Variants in DCAF10 observed in about 807,000 individuals in gnomAD.
DCAF10 encodes the protein DDB1 and CUL4 associated factor 10, also known as DDB1- and CUL4-associated factor 10.
DCAF10 carries 19 observed loss-of-function variants against 51.9 expected under a neutral mutation model. The ratio of observed to expected loss-of-function variants is 0.37; its 90% CI spans 0.26 to 0.54. DCAF10 has a LOEUF of 0.54. DCAF10 is among the 20% of genes least tolerant of loss of function. DCAF10 has a pLI of 0.87. For missense variants in DCAF10, 510 were observed against 730.6 expected (o/e 0.70, Z 3.48); for synonymous variants, 291 against 297.1 (o/e 0.98, Z 0.21).
intron 5 of DCAF10, among the ~76,000 whole-genome samples, chr9:37,858,037 C>CTTT (rs141204248): frequency 4.7e-5 from 7 of 148,472 alleles, no homozygotes; most frequent in African/African-American, 1.5e-4. Flanking sequence ...AGATGGCTTG[C>CTTT]TTTTTTTTTT....
intron 3 of DCAF10, among the ~76,000 whole-genome samples, chr9:37,845,215 G>A (rs568088896): frequency 1.3e-5 from 2 of 152,146 alleles, no homozygotes; most frequent in African/African-American, 2.4e-5. Context: ...GGATAAACCC[G>A]ATGAAAGTAG....
intron 2 of DCAF10, among the ~76,000 whole-genome samples, chr9:37,822,404 GATATATATATATATATATATATATAT>G (rs59549239): frequency 0.23 from 28,937 of 124,684 alleles, 3,775 homozygotes; most frequent in African/African-American, 0.34. Context: ...AAGAAACTGT[GATATATATATATATATATATATATAT>G]ATATATATAT....
intron 2 of DCAF10, among the ~76,000 whole-genome samples, chr9:37,826,039 GAA>G (rs36005970): frequency 0.019 from 1,805 of 93,664 alleles, 42 homozygotes; most frequent in African/African-American, 0.062. Context: ...CATCTTAAAA[GAA>G]AAAAAAAAAA....
At chr9:37,851,521 A>G (rs1830650442) in intron 3 of DCAF10, among the ~76,000 whole-genome samples, 2 of 146,904 alleles carry the variant, frequency 1.4e-5, no homozygotes, top group Admixed American at 1.4e-4. Flanking sequence ...CTGCCTGGGC[A>G]CAGTGGCTCA....
intron 2 of DCAF10, among the ~76,000 whole-genome samples, chr9:37,822,789 T>C (rs764896969): frequency 6.6e-6 from 1 of 151,862 alleles, no homozygotes; most frequent in African/African-American, 2.4e-5. Flanking sequence ...CAATAACTTA[T>C]GGAAAAATAA....
chr9:37,821,275 G>C (rs1318505656), intron 2 of DCAF10, among the ~76,000 whole-genome samples: 1 of 152,072 alleles, frequency 6.6e-6, no homozygotes, highest in Non-Finnish European at 1.5e-5. Flanking sequence ...TCCAATGATT[G>C]GGAGAAACTT....
chr9:37,841,900 T>C (rs1830347083), intron 2 of DCAF10, among the ~76,000 whole-genome samples, 189 bp from the exon 3 acceptor site: 1 of 152,214 alleles, frequency 6.6e-6, no homozygotes, highest in African/African-American at 2.4e-5. Context: ...CATTAAATCA[T>C]AGTATCCTGG....
In DCAF10 at chr9:37,801,024, G is replaced by A. The variant is rs1204875241; in HGVS notation, c.158G>A (p.Ser53Asn). The change falls in exon 1 of 7, where the codon AGC (serine) becomes AAC (asparagine). Residue 53 changes from serine (S) to asparagine (N), a missense_variant. Transcript: ENST00000377724. The surrounding 1 kb of genome is among the most constrained non-coding windows in gnomAD (Gnocchi z 5.5). ...DATHPPPPAR[S>N]PRRPGAPSLS... ...ACCCATCCCCCTCCACCCGCCCGAAGCCCTCGCCGCCCCGGCGCCCCATCG... is the reference window on the plus strand; with the variant it reads ...ACCCATCCCCCTCCACCCGCCCGAAACCCTCGCCGCCCCGGCGCCCCATCG... 1 of 1,539,944 alleles carries A rather than the reference G, an allele frequency of 6.5e-7. No homozygotes were observed. The highest frequency in any genetic ancestry group is 2.5e-5 in the East Asian group (1 of 39,636).
chr9:37,852,558 A>G (rs1830686621), intron 3 of DCAF10, among the ~76,000 whole-genome samples: 1 of 152,098 alleles, frequency 6.6e-6, no homozygotes, highest in Non-Finnish European at 1.5e-5. Flanking sequence ...TGATTATGCC[A>G]CTGCACCCCA....
Position 37,800,807 on chromosome 9 carries a change from G to A in DCAF10, c.-60G>A. Reference sequence around the variant, plus strand: ...CACGCCGGAAGTGGCAGCTGAACAGGGGCACTGAGGTGTCGGCCGGCGGGG... The same window carrying A: ...CACGCCGGAAGTGGCAGCTGAACAGAGGCACTGAGGTGTCGGCCGGCGGGG... On this transcript the variant is annotated 5_prime_UTR_variant, in exon 1 of 7. Coordinates refer to ENST00000377724, the MANE Select transcript of DCAF10 (RefSeq NM_024345.5). 1 of 1,499,462 alleles carries A rather than the reference G, an allele frequency of 6.7e-7. No individual in the cohort carries two copies. Among genetic ancestry groups the A allele is most frequent in the Non-Finnish European group, 8.9e-7 (1 of 1,129,776 alleles). 92.9% of individuals were successfully genotyped at this position (1,499,462 alleles called of 1,614,324 possible).
At position 37,819,956 on chromosome 9, in the gene DCAF10, C is replaced by T. The variant is rs181268113; in HGVS notation, c.653+555C>T. 3.0e-4 allele frequency among the ~76,000 whole-genome samples: 45 copies of T among 152,072 alleles called. 1 individual carries two copies. In the East Asian group the frequency reaches 7.9e-3, roughly 27 times the overall value. On this transcript the variant is annotated intron_variant, in intron 2 of 6. Transcript: ENST00000377724. The stretch of plus-strand genomic sequence containing the variant: ...TACATAGCAACATAGACAAATGCTT[C>T]GCATAATACAGGGTAAAATTGTGAT...
At chr9:37,853,352 G>A (rs369029599) in intron 3 of DCAF10, among the ~76,000 whole-genome samples, 3 of 145,086 alleles carry the variant, frequency 2.1e-5, no homozygotes, top group South Asian at 2.2e-4. Flanking sequence ...GGCAGAGGTT[G>A]CAGCGAGCTG....
intron 1 of DCAF10, among the ~76,000 whole-genome samples, chr9:37,813,176 C>G (rs1403333475): frequency 6.6e-6 from 1 of 152,168 alleles, no homozygotes; most frequent in African/African-American, 2.4e-5. Flanking sequence ...TCACAGCTCA[C>G]GGCAACCTCC....
intron 3 of DCAF10, among the ~76,000 whole-genome samples, chr9:37,849,471 G>A (rs1830569777): frequency 6.6e-6 from 1 of 152,166 alleles, no homozygotes. Context: ...GCAGTGGTCA[G>A]GCACCGTGGC....
chr9:37,828,949 T>C (rs1829932018), intron 2 of DCAF10, among the ~76,000 whole-genome samples: 1 of 152,216 alleles, frequency 6.6e-6, no homozygotes, highest in African/African-American at 2.4e-5. Context: ...AGGATTTTTT[T>C]AGATACAAAA....
Position 37,840,850 on chromosome 9 carries a change from CT to C in DCAF10, c.654-1235del, listed in dbSNP as rs1165690684. ...CCTATACAGGCGTAACATTTTAAAT[CT>C]TTTATACAGTACTTTTACTGTATTT... On this transcript the variant is annotated intron_variant, in intron 2 of 6. Coordinates refer to ENST00000377724, the MANE Select transcript of DCAF10 (RefSeq NM_024345.5). Among the ~76,000 whole-genome samples the C allele has an allele frequency of 3.3e-5, 5 of 152,142 alleles. No homozygotes were observed. In the East Asian group the frequency reaches 9.6e-4, roughly 29 times the overall value.
chr9:37,816,017 C>T (rs550104728), intron 1 of DCAF10, among the ~76,000 whole-genome samples: 5 of 152,294 alleles, frequency 3.3e-5, no homozygotes, highest in Admixed American at 2.6e-4. Flanking sequence ...TGGTCTCAAA[C>T]TCCTGAGCTC....
chr9:37,822,445 T>G (rs1829735001), intron 2 of DCAF10, among the ~76,000 whole-genome samples: 1 of 123,120 alleles, frequency 8.1e-6, no homozygotes, highest in African/African-American at 3.0e-5. Flanking sequence ...ATATATATGA[T>G]GGAATATTAC....
Position 37,861,509 on chromosome 9 carries a change from GCA to G in DCAF10, c.*4_*5del. ...TTCTTTGTATCAGCCAAAGTTTTAGGCACAACTTACATCAAATAAGGAACTCT... is the reference window on the plus strand; with the variant it reads ...TTCTTTGTATCAGCCAAAGTTTTAGGCAACTTACATCAAATAAGGAACTCT... On this transcript the variant is annotated 3_prime_UTR_variant, in exon 7 of 7. Coordinates refer to ENST00000377724, the MANE Select transcript of DCAF10 (RefSeq NM_024345.5). The surrounding 1 kb of genome is among the most constrained non-coding windows in gnomAD (Gnocchi z 4.9). 6.2e-7 allele frequency: 1 copy of G among 1,602,850 alleles called. No homozygotes were observed. Among genetic ancestry groups the G allele is most frequent in the East Asian group, 2.2e-5 (1 of 44,616 alleles).
Sources: gnomAD v4.1 joint callset for allele counts (sites outside exome capture counted in the v4.1 genomes callset) on GRCh38, gnomAD v4.1.1 for gene constraint, Gnocchi (gnomAD v3.1) non-coding constraint, MANE v1.5 for transcripts, NCBI Gene and HGNC (gene_info 2026-07-23, HGNC 2026-07-21) for gene names.